GAK: variants seen among roughly 807,000 people sequenced by gnomAD.
GAK encodes cyclin G associated kinase.
A neutral mutation model predicts 143.9 loss-of-function variants in GAK; 79 were observed. The ratio of observed to expected loss-of-function variants is 0.55; its 90% confidence interval spans 0.46 to 0.66. GAK has a LOEUF of 0.66. Ranked by LOEUF, GAK falls within the 30% of genes least tolerant of loss-of-function variation. The probability of loss-of-function intolerance (pLI) is 0.00; values close to 1 mark genes in which losing one functional copy is unlikely to be tolerated. For missense variants in GAK, 1,693 were observed against 1,779.7 expected (o/e 0.95, Z 0.88); for synonymous variants, 881 against 765.5 (o/e 1.15, Z -2.49).
At chr4:907,372 T>A (rs539324051) in intron 4 of GAK, among the ~76,000 whole-genome samples, 11 of 152,184 alleles carry the variant, frequency 7.2e-5, no homozygotes, top group South Asian at 4.1e-4. Flanking sequence ...ACAGGGGGGC[T>A]CTCAGGAAAA....
chr4:871,172 G>C (rs1400392099), intron 18 of GAK, among the ~76,000 whole-genome samples: 1 of 152,252 alleles, frequency 6.6e-6, no homozygotes, highest in Non-Finnish European at 1.5e-5. Context: ...GTCACAGTGG[G>C]GATGCCCGCG....
intron 25 of GAK, 106 bp from the exon 26 acceptor site, chr4:851,190 C>G: frequency 2.2e-6 from 2 of 926,450 alleles, no homozygotes; most frequent in East Asian, 5.3e-5. Flanking sequence ...CTTTGCCTCC[C>G]GGCCTCAAGC....
chr4:890,730 C>G (rs187194602), intron 9 of GAK, 108 bp from the exon 10 acceptor site: 2 of 844,052 alleles, frequency 2.4e-6, no homozygotes, highest in Admixed American at 4.4e-5. Flanking sequence ...CCTTCTGCCC[C>G]CTGATCTATG....
intron 1 of GAK, among the ~76,000 whole-genome samples, chr4:916,340 C>T (rs1168664816): frequency 6.6e-6 from 1 of 152,126 alleles, no homozygotes; most frequent in Non-Finnish European, 1.5e-5. Flanking sequence ...CCCACTGCCT[C>T]GACATCTGGG....
intron 18 of GAK, among the ~76,000 whole-genome samples, chr4:871,439 G>A (rs755447): frequency 0.035 from 5,294 of 152,316 alleles, 187 homozygotes; most frequent in East Asian, 0.19. Flanking sequence ...TAAAAATGAC[G>A]ACGTCCGCCC....
At chr4:931,800 G>A (rs1386171161) in intron 1 of GAK, among the ~76,000 whole-genome samples, 2 of 152,060 alleles carry the variant, frequency 1.3e-5, no homozygotes, top group Non-Finnish European at 2.9e-5. Flanking sequence ...CCCCGACCCG[G>A]TCCCAGCCTC....
Position 849,472 on chromosome 4 carries a change from G to A in GAK, c.*201C>T. 2 of 578,152 alleles carry A rather than the reference G, an allele frequency of 3.5e-6. No homozygotes were observed. Among genetic ancestry groups the A allele is most frequent in the East Asian group, 2.8e-5 (1 of 35,628 alleles). 35.8% of individuals were successfully genotyped at this position (578,152 alleles called of 1,614,324 possible). Reference sequence around the variant, plus strand: ...CATGAATCAGCTGTTCCTTCGGGAGGAGAAAAAGGAAACAACAATCAGAGG... The same window carrying A: ...CATGAATCAGCTGTTCCTTCGGGAGAAGAAAAAGGAAACAACAATCAGAGG... On this transcript the variant is annotated 3_prime_UTR_variant, in exon 28 of 28. Coordinates refer to ENST00000314167, the MANE Select transcript of GAK (RefSeq NM_005255.4).
rs1748133867 is a variant in GAK, at chr4:851,509, T to G, written c.3508+241A>C. On this transcript the variant is annotated intron_variant, in intron 25 of 27. Transcript: ENST00000314167. ...AAAGAAGAGGGAAGACAAGACAGGG[T>G]TGCAAAGGCCATTTGTTAAAAACAG... The G allele has an allele frequency of 5.1e-6, 3 of 586,280 alleles. No homozygotes were observed. In the South Asian group the frequency reaches 6.2e-5, roughly 12 times the overall value. 36.3% of individuals were successfully genotyped at this position (586,280 alleles called of 1,614,324 possible). A position where few individuals can be genotyped will look rare whatever the true frequency, so the allele number is the denominator to read the frequency against.
At chr4:904,134 GGT>G (rs1230883794) in intron 5 of GAK, among the ~76,000 whole-genome samples, 1 of 152,136 alleles carries the variant, frequency 6.6e-6, no homozygotes, top group African/African-American at 2.4e-5. Flanking sequence ...ACTACCTTGT[GGT>G]CCCTGTGGAT....
rs186915469 is a variant in GAK at position 877,946 on chromosome 4, G to A, written c.1662-137C>T. The A allele has an allele frequency of 1.2e-4, 77 of 642,032 alleles. No individual in the cohort carries two copies. The African/African-American group carries it at 1.3e-3, about 11-fold the overall frequency. 39.8% of individuals were successfully genotyped at this position (642,032 alleles called of 1,614,324 possible). On this transcript the variant is annotated intron_variant, in intron 15 of 27. Transcript: ENST00000314167. ...TGTTTTAGTTGCTCCTAACAAATCT[G>A]ATGTTATAATTTTCATTTAGTTATA...
intron 4 of GAK, among the ~76,000 whole-genome samples, chr4:908,887 T>G (rs116230567): frequency 1.1e-4 from 16 of 152,146 alleles, no homozygotes; most frequent in African/African-American, 2.4e-4. Flanking sequence ...TTGTTGTTGG[T>G]TTTTTTTGAG....
chr4:918,622 C>T (rs1261293600), intron 1 of GAK, among the ~76,000 whole-genome samples: 2 of 152,240 alleles, frequency 1.3e-5, no homozygotes, highest in Non-Finnish European at 2.9e-5. Context: ...TACTTCAAAA[C>T]ATCATAGCGT....
rs1718200880 is a variant in GAK, at chr4:893,932, A to G, written c.819T>C (p.Asn273=). Residue 273 remains asparagine, a synonymous_variant, in exon 8 of 28, where the codon AAT becomes AAC. Transcript: ENST00000314167. ...FEDGAKLRIV[N]GKYSIPPHDT... ...CGTGCGGGGGGATCGAGTACTTCCC[A>G]TTGACTATTCGAAGTTTCGCTCCAT... The G allele has an allele frequency of 1.9e-6, 3 of 1,612,812 alleles. No homozygotes were observed. Among genetic ancestry groups the G allele is most frequent in the Non-Finnish European group, 1.7e-6 (2 of 1,179,716 alleles).
At chr4:925,889 A>G (rs1307232437) in intron 1 of GAK, among the ~76,000 whole-genome samples, 1 of 152,190 alleles carries the variant, frequency 6.6e-6, no homozygotes, top group Non-Finnish European at 1.5e-5. Context: ...GGACTGGGAC[A>G]CGGGGATGCG....
At position 851,869 on chromosome 4, in the gene GAK, G is replaced by A; in HGVS notation, c.3389C>T (p.Ser1130Leu). ...GGGCGGCTTGGCCTGAGGGGGCCAT[G>A]AGGCGCCCTGGGCTGGCGGCCGACT... ...QTSRPPAQGA[S>L]WPPQAKPPPK... is the part of the protein sequence containing the mutation. The change falls in exon 25 of 28, where the codon TCA becomes TTA. Residue 1130 changes from serine (S) to leucine (L), a missense_variant. Ser to Leu is a moderately radical substitution (Grantham distance 145, BLOSUM62 -2). Around this residue, in one of 2 missense-constraint regions of GAK, gnomAD observed 822 missense variants for 788.7 expected, o/e 1.04. Transcript: ENST00000314167. The A allele has an allele frequency of 6.2e-7, 1 of 1,609,466 alleles. No homozygotes were observed. The highest frequency in any genetic ancestry group is 8.5e-7 in the Non-Finnish European group (1 of 1,177,160).
chr4:866,333 G>A, intron 22 of GAK, 31 bp downstream of exon 22: 2 of 1,607,046 alleles, frequency 1.2e-6, no homozygotes, highest in Non-Finnish European at 1.7e-6. Context: ...GGCGGCCATG[G>A]AGAGCTGGCT....
chr4:877,830 TCAC>T (rs1432541314), intron 15 of GAK, 21 bp from the exon 16 acceptor site: 2 of 1,556,736 alleles, frequency 1.3e-6, no homozygotes, highest in African/African-American at 1.4e-5. Context: ...ACGTGCCGCG[TCAC>T]CACGTGACGT....
At chr4:887,201 A>ACTCACACGTACACATGCACGCGG (rs1716555343) in intron 11 of GAK, 1 of 146,394 alleles carries the variant, frequency 6.8e-6, no homozygotes. Context: ...CGGCTCGCGC[A>ACTCACACGTACACATGCACGCGG]CTCACGCGTA....
intron 23 of GAK, among the ~76,000 whole-genome samples, chr4:863,389 G>A (rs952536143): frequency 5.9e-5 from 9 of 152,224 alleles, no homozygotes; most frequent in African/African-American, 1.4e-4. Context: ...ATGAGGCCAA[G>A]GGTTTAGAAT....
Sources: allele counts gnomAD v4.1 joint callset (sites outside exome capture counted in the v4.1 genomes callset), GRCh38; gene constraint gnomAD v4.1.1; regional missense constraint gnomAD v4.1.1; transcripts MANE v1.5; gene names NCBI Gene and HGNC (gene_info 2026-07-23, HGNC 2026-07-21).